The following SNX6 variants were observed in gnomAD, a reference collection of about 807,000 sequenced individuals.
SNX6 encodes sorting nexin 6.
Under a neutral mutation model 63.0 loss-of-function variants are expected in SNX6, and 34 were observed. The observed-to-expected ratio is 0.54, with a 90% CI of 0.41 to 0.72. SNX6 has a LOEUF of 0.72. Ranked by LOEUF, SNX6 falls within the 30% of genes least tolerant of loss-of-function variation. SNX6 has a pLI of 0.00. For missense variants in SNX6, 398 were observed against 471.4 expected, an observed-to-expected ratio of 0.84 and a Z score of 1.44; for synonymous variants, 170 against 164.2, an observed-to-expected ratio of 1.04 and a Z score of -0.27.
intron 2 of SNX6, among the ~76,000 whole-genome samples, chr14:34,620,971 G>A (rs60370017): frequency 0.19 from 28,116 of 151,866 alleles, 2,843 homozygotes; most frequent in African/African-American, 0.25. Context: ...AAATGGTGAC[G>A]GGCGTCTCAC....
intron 11 of SNX6, among the ~76,000 whole-genome samples, chr14:34,573,587 A>G (rs1048071023): frequency 6.6e-6 from 1 of 151,720 alleles, no homozygotes; most frequent in African/African-American, 2.4e-5. Context: ...AAAAAAAACA[A>G]ATTGTTTTTG....
chr14:34,573,966 T>C (rs1298564691), intron 11 of SNX6, among the ~76,000 whole-genome samples: 1 of 151,012 alleles, frequency 6.6e-6, no homozygotes, highest in Non-Finnish European at 1.5e-5. Flanking sequence ...AAAGGAAACA[T>C]GAGTTGCCTT....
chr14:34,579,507 C>G (rs891550905), intron 10 of SNX6, among the ~76,000 whole-genome samples: 1 of 151,916 alleles, frequency 6.6e-6, no homozygotes, highest in African/African-American at 2.4e-5. Flanking sequence ...ACTTGGGAGG[C>G]TGAGGCAAGA....
chr14:34,591,104 C>G (rs935439428), intron 8 of SNX6, among the ~76,000 whole-genome samples: 4 of 152,004 alleles, frequency 2.6e-5, no homozygotes, highest in Non-Finnish European at 5.9e-5. Flanking sequence ...CACAAGAAAA[C>G]TTTGGGGGTG....
Position 34,580,661 on chromosome 14 carries a change from A to ATT in SNX6, c.834+898_834+899dup, listed in dbSNP as rs11424362. ...GTTTATCTGTTCCAGGAGGGATTCC[A>ATT]TTTTTTTTTTTTTTTAGAGACAGGG... On this transcript the variant is annotated intron_variant, in intron 10 of 13. Transcript: ENST00000362031. Among the ~76,000 whole-genome samples the ATT allele has an allele frequency of 3.1e-3, 423 of 138,624 alleles. 1 individual carries two copies. The highest frequency in any genetic ancestry group is 0.01 in the African/African-American group (394 of 37,622). 90.9% of individuals were successfully genotyped at this position (138,624 alleles called of 152,430 possible). A position where few individuals can be genotyped will look rare whatever the true frequency, so the allele number is the denominator to read the frequency against.
At chr14:34,602,975 CAAA>C (rs755501321) in intron 6 of SNX6, among the ~76,000 whole-genome samples, 2 of 92,262 alleles carry the variant, frequency 2.2e-5, no homozygotes, top group African/African-American at 3.9e-5. Flanking sequence ...GACTCCGTCT[CAAA>C]AAAAAAAAAA....
chr14:34,609,546 C>T, intron 3 of SNX6, 92 bp downstream of exon 3: 19 of 511,266 alleles, frequency 3.7e-5, no homozygotes, highest in South Asian at 2.0e-4. Flanking sequence ...TAGTTTCTTT[C>T]CAATTATGTT....
chr14:34,577,542 G>A (rs557965151), intron 10 of SNX6, among the ~76,000 whole-genome samples: 1 of 152,296 alleles, frequency 6.6e-6, no homozygotes, highest in South Asian at 2.1e-4. Flanking sequence ...AGACACCACA[G>A]AGTAATAACC....
At chr14:34,614,794 A>G (rs1356809398) in intron 2 of SNX6, among the ~76,000 whole-genome samples, 1 of 152,124 alleles carries the variant, frequency 6.6e-6, no homozygotes, top group South Asian at 2.1e-4. Context: ...CCACATTTGT[A>G]GTCTCTGCTA....
chr14:34,625,454 C>G (rs765219771), intron 2 of SNX6, among the ~76,000 whole-genome samples: 1 of 151,540 alleles, frequency 6.6e-6, no homozygotes, highest in South Asian at 2.1e-4. Context: ...AGTTATCGGC[C>G]GGGCGCGGTG....
intron 9 of SNX6, among the ~76,000 whole-genome samples, chr14:34,584,929 C>T (rs1009566365): frequency 7.2e-5 from 11 of 151,762 alleles, no homozygotes; most frequent in Non-Finnish European, 5.9e-5. Context: ...CTCGGCTCAA[C>T]GCAACCTTCG....
intron 2 of SNX6, chr14:34,629,432 T>G (rs1594757420): frequency 8.7e-6 from 4 of 457,644 alleles, no homozygotes; most frequent in South Asian, 6.2e-5. Context: ...ATAAAAATCC[T>G]TGCAAAATGG....
intron 11 of SNX6, among the ~76,000 whole-genome samples, chr14:34,573,408 C>T (rs1881539031): frequency 6.6e-6 from 1 of 151,946 alleles, no homozygotes; most frequent in Non-Finnish European, 1.5e-5. Flanking sequence ...AACCCCGTAT[C>T]TACTAAAAAT....
intron 2 of SNX6, among the ~76,000 whole-genome samples, chr14:34,621,680 T>C (rs1239634414): frequency 1.3e-5 from 2 of 152,190 alleles, no homozygotes; most frequent in African/African-American, 4.8e-5. Flanking sequence ...CTGTTCTTCC[T>C]TCCTACATTC....
chr14:34,590,980 T>C (rs992788542), intron 8 of SNX6, among the ~76,000 whole-genome samples: 2 of 152,134 alleles, frequency 1.3e-5, no homozygotes, highest in African/African-American at 2.4e-5. Context: ...AAAGAATACA[T>C]ACTGTATGAT....
chr14:34,609,836 A>G, intron 2 of SNX6, 94 bp from the exon 3 acceptor site: 1 of 810,902 alleles, frequency 1.2e-6, no homozygotes, highest in Admixed American at 2.6e-5. Context: ...CAAAAATAAC[A>G]AAAGATTATT....
intron 13 of SNX6, among the ~76,000 whole-genome samples, chr14:34,567,094 C>G (rs901229968): frequency 6.7e-6 from 1 of 148,400 alleles, no homozygotes; most frequent in Non-Finnish European, 1.5e-5. Context: ...TGTGGTGGCA[C>G]GCACCTGTAG....
rs1334973035 is a variant in SNX6 at position 34,608,093 on chromosome 14, T to C, written c.207A>G (p.Gln69=). Reference sequence around the variant, plus strand: ...CATGAAGCCAGATAAATTCCTCATGTTGCCGAACAACTGAAAACTCGTTTT... The same window carrying C: ...CATGAAGCCAGATAAATTCCTCATGCTGCCGAACAACTGAAAACTCGTTTT... ...FKQNEFSVVR[Q]HEEFIWLHDS... is the part of the protein sequence containing the mutation. Residue 69 remains glutamine (Q), a synonymous_variant, in exon 4 of 14, where the codon CAA becomes CAG. Transcript: ENST00000362031. The C allele has an allele frequency of 1.2e-6, 2 of 1,611,502 alleles. No individual in the cohort carries two copies. Among genetic ancestry groups the C allele is most frequent in the Non-Finnish European group, 1.7e-6 (2 of 1,178,322 alleles).
At chr14:34,589,445 T>C (rs1882305058) in intron 8 of SNX6, among the ~76,000 whole-genome samples, 2 of 151,988 alleles carry the variant, frequency 1.3e-5, no homozygotes, top group South Asian at 4.1e-4. Flanking sequence ...AATGAGACTC[T>C]GTCTCACAAA....
Sources: allele counts gnomAD v4.1 joint callset (sites outside exome capture counted in the v4.1 genomes callset), GRCh38; gene constraint gnomAD v4.1.1; transcripts MANE v1.5; gene names NCBI Gene and HGNC (gene_info 2026-07-23, HGNC 2026-07-21).